The following CDC42BPA variants were observed in gnomAD, a reference collection of about 807,000 sequenced individuals.
CDC42BPA encodes the protein CDC42 binding protein kinase alpha.
A neutral mutation model predicts 223.5 loss-of-function variants in CDC42BPA; 80 were observed. The ratio of observed to expected loss-of-function variants is 0.36; its 90% confidence interval spans 0.30 to 0.43. CDC42BPA has a LOEUF of 0.43. CDC42BPA is among the 20% of genes least tolerant of loss of function. CDC42BPA has a pLI of 1.00. For missense variants in CDC42BPA, 1,743 were observed against 2,099.9 expected (o/e 0.83, Z 3.32); for synonymous variants, 694 against 718.6 (o/e 0.97, Z 0.55).
At chr1:227,147,336 G>A in intron 7 of CDC42BPA, 23 bp downstream of exon 7, 3 of 1,558,986 alleles carry the variant, frequency 1.9e-6, no homozygotes, top group Non-Finnish European at 2.6e-6. Context: ...ACATTAATTT[G>A]AACAAAAGTA....
At chr1:227,034,419 A>G (rs1669866507) in intron 26 of CDC42BPA, among the ~76,000 whole-genome samples, 1 of 152,158 alleles carries the variant, frequency 6.6e-6, no homozygotes, top group Non-Finnish European at 1.5e-5. Context: ...GGTCTTTGGG[A>G]CACCAACTTC....
intron 15 of CDC42BPA, among the ~76,000 whole-genome samples, chr1:227,095,154 A>G (rs983537401): frequency 2.9e-4 from 44 of 152,338 alleles, no homozygotes; most frequent in African/African-American, 9.9e-4. Context: ...CTTAAAATTA[A>G]AAGTCACACT....
At position 227,168,167 on chromosome 1, in the gene CDC42BPA, C is replaced by G. The variant is rs6426576; in HGVS notation, c.600-7531G>C. Among the ~76,000 whole-genome samples the G allele has an allele frequency of 2.0e-5, 3 of 152,092 alleles. No homozygotes were observed. In the East Asian group the frequency reaches 5.8e-4, roughly 29 times the overall value. ...CTCAAACTCCTAACCTCAAGTGATC[C>G]GCCTGCCTCAGTGTCCCAAAGTGCA... On this transcript the variant is annotated intron_variant, in intron 5 of 36. Transcript: ENST00000366766.
chr1:227,074,071 A>G, intron 18 of CDC42BPA, 59 bp from the exon 19 acceptor site: 1 of 1,544,900 alleles, frequency 6.5e-7, no homozygotes, highest in Non-Finnish European at 8.8e-7. Flanking sequence ...AAATTATTAT[A>G]GTTAACCAGC....
chr1:227,082,510 C>T (rs1365783328), intron 16 of CDC42BPA, among the ~76,000 whole-genome samples: 2 of 151,688 alleles, frequency 1.3e-5, no homozygotes, highest in South Asian at 2.1e-4. Flanking sequence ...GTCAGGAGAT[C>T]GAGGCCATCC....
At chr1:227,102,494 C>G (rs1328794686) in intron 14 of CDC42BPA, among the ~76,000 whole-genome samples, 1 of 152,058 alleles carries the variant, frequency 6.6e-6, no homozygotes, top group Non-Finnish European at 1.5e-5. Flanking sequence ...TTGCATTTTT[C>G]TAACTACTTA....
chr1:227,129,933 C>T (rs1656723959), intron 10 of CDC42BPA, among the ~76,000 whole-genome samples: 1 of 151,992 alleles, frequency 6.6e-6, no homozygotes, highest in East Asian at 1.9e-4. Context: ...TGCTGGCCTT[C>T]CAAATTTTAT....
chr1:227,265,610 G>A (rs1291543947), intron 1 of CDC42BPA, among the ~76,000 whole-genome samples: 16 of 148,392 alleles, frequency 1.1e-4, no homozygotes, highest in African/African-American at 3.2e-4. Flanking sequence ...GCCTGGTGAC[G>A]ACAGAGCGAG....
At chr1:227,039,984 C>A in intron 24 of CDC42BPA, 147 bp downstream of exon 24, 1 of 626,084 alleles carries the variant, frequency 1.6e-6, no homozygotes. Flanking sequence ...GAACATTCAA[C>A]AGACAACACA....
chr1:227,214,788 T>C (rs1674539115), intron 2 of CDC42BPA, among the ~76,000 whole-genome samples: 1 of 152,170 alleles, frequency 6.6e-6, no homozygotes, highest in African/African-American at 2.4e-5. Flanking sequence ...TTCACCAGTT[T>C]TCTGTAAGTA....
chr1:227,195,688 C>T (rs1028536312), intron 4 of CDC42BPA, among the ~76,000 whole-genome samples: 31 of 75,574 alleles, frequency 4.1e-4, no homozygotes, highest in African/African-American at 1.8e-3. Context: ...GCTATGGTTA[C>T]CTATTCCTAT....
chr1:227,011,859 G>C (rs1665284090), intron 34 of CDC42BPA, among the ~76,000 whole-genome samples: 1 of 152,176 alleles, frequency 6.6e-6, no homozygotes, highest in Non-Finnish European at 1.5e-5. Flanking sequence ...AGTTCTTGAA[G>C]AACAGTTATG....
At chr1:227,063,869 T>C (rs1236089286) in intron 21 of CDC42BPA, among the ~76,000 whole-genome samples, 3 of 152,124 alleles carry the variant, frequency 2.0e-5, no homozygotes, top group African/African-American at 4.8e-5. Context: ...CTGTAACTGA[T>C]TGTAACAGAA....
At chr1:227,216,668 A>G (rs888109290) in intron 2 of CDC42BPA, among the ~76,000 whole-genome samples, 3 of 152,236 alleles carry the variant, frequency 2.0e-5, no homozygotes, top group Admixed American at 2.0e-4. Context: ...GGATTCTCTT[A>G]GAACTCTAAC....
At position 227,317,302 on chromosome 1, in the gene CDC42BPA, T is replaced by TCATG; in HGVS notation, c.-124_-121dup. On this transcript the variant is annotated 5_prime_UTR_variant, in exon 1 of 37. The change creates a new upstream start codon in the 5' untranslated region. Transcript: ENST00000366766. ...AAACCACTTGTTATTCAAACAACTG[T>TCATG]CATGCAATGCTGGTGCTGAATTAAA... 1 of 1,035,240 alleles carries TCATG rather than the reference T, an allele frequency of 9.7e-7. No homozygotes were observed. The highest frequency in any genetic ancestry group is 1.4e-6 in the Non-Finnish European group (1 of 719,722). 64.1% of individuals were successfully genotyped at this position (1,035,240 alleles called of 1,614,324 possible).
At chr1:227,144,132 A>G (rs1660223713) in intron 8 of CDC42BPA, among the ~76,000 whole-genome samples, 1 of 152,222 alleles carries the variant, frequency 6.6e-6, no homozygotes, top group Admixed American at 6.5e-5. Context: ...GTTTCAGTGA[A>G]AAGTTATATA....
chr1:227,145,100 T>TCTTCA (rs1427413617), intron 8 of CDC42BPA, among the ~76,000 whole-genome samples: 239 of 152,340 alleles, frequency 1.6e-3, no homozygotes, highest in African/African-American at 5.6e-3. Context: ...TCAATTGTTG[T>TCTTCA]ATCAGGCCCT....
chr1:227,089,032 G>A (rs1682542850), intron 16 of CDC42BPA, among the ~76,000 whole-genome samples: 1 of 152,036 alleles, frequency 6.6e-6, no homozygotes, highest in Non-Finnish European at 1.5e-5. Flanking sequence ...AGCTGGCAAT[G>A]AATTATCTTT....
intron 22 of CDC42BPA, among the ~76,000 whole-genome samples, chr1:227,048,753 G>GAAAAAAAA (rs34655609): frequency 2.7e-5 from 3 of 112,496 alleles, no homozygotes; most frequent in African/African-American, 3.3e-5. Flanking sequence ...AAAGTAGTGA[G>GAAAAAAAA]AAAAAAAAAA....
Sources: allele counts gnomAD v4.1 joint callset (sites outside exome capture counted in the v4.1 genomes callset), GRCh38; gene constraint gnomAD v4.1.1; transcripts MANE v1.5; gene names NCBI Gene and HGNC (gene_info 2026-07-23, HGNC 2026-07-21).